SAMD4A: variants seen among roughly 807,000 people sequenced by gnomAD.
SAMD4A encodes sterile alpha motif domain containing 4A, also known as protein Smaug homolog 1.
Under a neutral mutation model 81.3 loss-of-function variants are expected in SAMD4A, and 33 were observed. The observed-to-expected ratio is 0.41, with a 90% CI of 0.31 to 0.54. The LOEUF is 0.54. Among genes scored for constraint, SAMD4A ranks in the 20% least tolerant of loss-of-function variants. SAMD4A has a pLI of 0.37. For synonymous variants in SAMD4A, 389 were observed against 382.1 expected (o/e 1.02, Z -0.21); for missense variants, 854 against 951.1 (o/e 0.90, Z 1.34).
intron 2 of SAMD4A, among the ~76,000 whole-genome samples, chr14:54,679,690 T>G (rs1029593479): frequency 3.0e-4 from 45 of 152,304 alleles, no homozygotes; most frequent in African/African-American, 1.1e-3. Context: ...TTTTGTGTAT[T>G]TTTAATAGGA....
intron 2 of SAMD4A, among the ~76,000 whole-genome samples, chr14:54,569,835 G>A (rs943589198): frequency 7.2e-5 from 11 of 152,198 alleles, no homozygotes; most frequent in Admixed American, 6.5e-4. Context: ...AAATGTTGGA[G>A]CAGCACTTTT....
chr14:54,599,590 T>C (rs2034001310), intron 2 of SAMD4A, among the ~76,000 whole-genome samples: 1 of 152,232 alleles, frequency 6.6e-6, no homozygotes, highest in South Asian at 2.1e-4. Context: ...TTGGCATGGC[T>C]GTTTGTCTAG....
intron 2 of SAMD4A, among the ~76,000 whole-genome samples, chr14:54,636,625 G>A (rs940163217): frequency 1.1e-4 from 17 of 152,312 alleles, no homozygotes; most frequent in Admixed American, 1.1e-3. Flanking sequence ...TGTAACTGGT[G>A]AAAGTGGTCG....
chr14:54,731,864 T>G lies in SAMD4A; in HGVS notation c.716-5160T>G, dbSNP rs2037565595. 2.6e-5 allele frequency among the ~76,000 whole-genome samples: 4 copies of G among 152,316 alleles called. No individual in the cohort carries two copies. In the South Asian group the frequency reaches 8.3e-4, roughly 32 times the overall value. On this transcript the variant is annotated intron_variant, in intron 3 of 12. Coordinates refer to ENST00000554335, the MANE Select transcript of SAMD4A (RefSeq NM_015589.6). ...AGGAGTGTAGGAATATTTAATGCCC[T>G]TATTCAAAAGGAAGTCAAATTTCTG...
chr14:54,688,548 C>A (rs1295281264), intron 2 of SAMD4A, among the ~76,000 whole-genome samples: 1 of 152,212 alleles, frequency 6.6e-6, no homozygotes, highest in Non-Finnish European at 1.5e-5. Context: ...CGTGGCTTCC[C>A]TGTCTATCCT....
chr14:54,676,807 CAGTA>C (rs2036003577), intron 2 of SAMD4A, among the ~76,000 whole-genome samples: 2 of 152,214 alleles, frequency 1.3e-5, no homozygotes, highest in Admixed American at 1.3e-4. Flanking sequence ...CTCATAAACA[CAGTA>C]AGCAATTCTC....
At chr14:54,572,548 T>C (rs1229320163) in intron 2 of SAMD4A, among the ~76,000 whole-genome samples, 1 of 152,210 alleles carries the variant, frequency 6.6e-6, no homozygotes, top group Non-Finnish European at 1.5e-5. Flanking sequence ...GCTTGGTTGC[T>C]GTCCGCATTG....
At chr14:54,728,212 C>A (rs546423105) in intron 3 of SAMD4A, among the ~76,000 whole-genome samples, 3 of 152,078 alleles carry the variant, frequency 2.0e-5, no homozygotes, top group African/African-American at 7.2e-5. Flanking sequence ...AAGAACGGTA[C>A]GGTTTAAATG....
chr14:54,751,589 C>A, intron 6 of SAMD4A, 52 bp downstream of exon 6: 1 of 1,196,092 alleles, frequency 8.4e-7, no homozygotes, highest in Non-Finnish European at 1.2e-6. Context: ...GAAAATGGAC[C>A]AAGGAAAATT....
At position 54,584,351 on chromosome 14, in the gene SAMD4A, GC is replaced by G. The variant is rs200338291; in HGVS notation, c.196+16240del. Among the ~76,000 whole-genome samples, 154 of 152,300 alleles carry G rather than the reference GC, an allele frequency of 1.0e-3. 2 individuals carry two copies. The East Asian group carries it at 0.028, about 28-fold the overall frequency. On this transcript the variant is annotated intron_variant, in intron 2 of 12. Transcript: ENST00000554335. ...AGGAGAGCTTTGCAGATAAGACATA[GC>G]AGCTGAGGCATAAAACATCAGCGTC...
At chr14:54,643,337 C>T (rs2035215890) in intron 2 of SAMD4A, among the ~76,000 whole-genome samples, 2 of 152,258 alleles carry the variant, frequency 1.3e-5, no homozygotes, top group Admixed American at 1.3e-4. Flanking sequence ...GAAGCTTCTC[C>T]TCCACCCAGT....
At chr14:54,616,464 G>A (rs1042092732) in intron 2 of SAMD4A, among the ~76,000 whole-genome samples, 12 of 152,300 alleles carry the variant, frequency 7.9e-5, no homozygotes, top group African/African-American at 2.9e-4. Flanking sequence ...ATCATTGTAT[G>A]TAGCTGTGTG....
At chr14:54,743,332 A>G (rs541609460) in intron 4 of SAMD4A, among the ~76,000 whole-genome samples, 5 of 152,388 alleles carry the variant, frequency 3.3e-5, no homozygotes, top group African/African-American at 1.2e-4. Flanking sequence ...ATGCCAAGAT[A>G]TGACCCACAG....
intron 2 of SAMD4A, among the ~76,000 whole-genome samples, chr14:54,656,229 T>C (rs558606294): frequency 1.1e-4 from 16 of 152,204 alleles, no homozygotes; most frequent in Non-Finnish European, 1.8e-4. Flanking sequence ...CTTCATTGTT[T>C]CAGTGGATTT....
chr14:54,655,920 C>T (rs2035509992), intron 2 of SAMD4A, among the ~76,000 whole-genome samples: 1 of 151,968 alleles, frequency 6.6e-6, no homozygotes, highest in Non-Finnish European at 1.5e-5. Context: ...TGGTGAGGAA[C>T]AACTTAAGTT....
chr14:54,663,324 A>G (rs778750258), intron 2 of SAMD4A, among the ~76,000 whole-genome samples: 6 of 152,196 alleles, frequency 3.9e-5, no homozygotes, highest in Non-Finnish European at 8.8e-5. Flanking sequence ...TCCAAGCCCT[A>G]TAGAGTAGCA....
At chr14:54,699,885 T>C in intron 2 of SAMD4A, among the ~76,000 whole-genome samples, 1 of 152,182 alleles carries the variant, frequency 6.6e-6, no homozygotes, top group East Asian at 1.9e-4. Context: ...CTCCACGTCC[T>C]ATCTTAATCT....
At chr14:54,725,935 G>C (rs1434577266) in intron 3 of SAMD4A, among the ~76,000 whole-genome samples, 1 of 152,194 alleles carries the variant, frequency 6.6e-6, no homozygotes, top group Non-Finnish European at 1.5e-5. Context: ...TGCGTATGTA[G>C]TTAGAGCATC....
intron 3 of SAMD4A, among the ~76,000 whole-genome samples, chr14:54,712,272 C>T (rs1232559302): frequency 6.6e-6 from 1 of 150,774 alleles, no homozygotes; most frequent in Non-Finnish European, 1.5e-5. Flanking sequence ...GACTTTCTTT[C>T]TCGGTGGAAA....
Sources: allele counts gnomAD v4.1 joint callset (sites outside exome capture counted in the v4.1 genomes callset), GRCh38; gene constraint gnomAD v4.1.1; transcripts MANE v1.5; gene names NCBI Gene and HGNC (gene_info 2026-07-23, HGNC 2026-07-21).